Variants in UBE3C observed in about 807,000 individuals in gnomAD.
UBE3C encodes the protein ubiquitin protein ligase E3C, also known as ubiquitin-protein ligase E3C.
In UBE3C, 42 loss-of-function variants were observed where a neutral mutation model predicts 129.4. The ratio of observed to expected loss-of-function variants is 0.32; its 90% CI spans 0.25 to 0.42. UBE3C has a LOEUF of 0.42. Ranked by LOEUF, UBE3C falls within the 10% of genes least tolerant of loss-of-function variation. UBE3C has a pLI of 1.00. For missense variants in UBE3C, 1,049 were observed against 1,319.1 expected, an observed-to-expected ratio of 0.80 and a Z score of 3.17; for synonymous variants, 510 against 492.4, an observed-to-expected ratio of 1.04 and a Z score of -0.47.
At chr7:157,145,406 T>A (rs1240254978) in intron 1 of UBE3C, among the ~76,000 whole-genome samples, 1 of 151,072 alleles carries the variant, frequency 6.6e-6, no homozygotes, top group Non-Finnish European at 1.5e-5. Context: ...TAATTGCAGC[T>A]ACTCAGGAGG....
chr7:157,162,217 C>T (rs912313438), intron 1 of UBE3C, among the ~76,000 whole-genome samples: 17 of 151,834 alleles, frequency 1.1e-4, no homozygotes, highest in African/African-American at 3.1e-4. Flanking sequence ...TTTTTTGAGA[C>T]GGAGTCTTGC....
chr7:157,177,810 G>A (rs1478376766), intron 5 of UBE3C, among the ~76,000 whole-genome samples: 4 of 152,108 alleles, frequency 2.6e-5, no homozygotes, highest in East Asian at 3.9e-4. Flanking sequence ...AACCCTGCAC[G>A]TTATTCCCCT....
intron 18 of UBE3C, among the ~76,000 whole-genome samples, chr7:157,232,741 T>C (rs950561628): frequency 2.6e-5 from 4 of 152,244 alleles, no homozygotes; most frequent in African/African-American, 9.6e-5. Context: ...TTTTCAACTT[T>C]GTAATAAAAT....
chr7:157,264,871 C>G (rs1164316659), intron 22 of UBE3C, among the ~76,000 whole-genome samples: 1 of 152,134 alleles, frequency 6.6e-6, no homozygotes, highest in African/African-American at 2.4e-5. Context: ...TGCTCCTGGT[C>G]ACGTAATTTT....
intron 13 of UBE3C, among the ~76,000 whole-genome samples, chr7:157,214,396 CT>C (rs1255228646): frequency 6.6e-6 from 1 of 152,128 alleles, no homozygotes. Flanking sequence ...CAGACCTGAT[CT>C]TTCCGTTGCC....
intron 10 of UBE3C, among the ~76,000 whole-genome samples, chr7:157,191,617 A>G (rs1808970133): frequency 2.0e-5 from 3 of 152,220 alleles, no homozygotes; most frequent in African/African-American, 7.2e-5. Flanking sequence ...TTTTCTAACC[A>G]TTTCTTTGCC....
intron 18 of UBE3C, among the ~76,000 whole-genome samples, chr7:157,237,310 G>A (rs959235693): frequency 2.0e-5 from 3 of 152,102 alleles, no homozygotes; most frequent in Non-Finnish European, 2.9e-5. Context: ...GCGTGGTGGC[G>A]GGCGCCTGTA....
At chr7:157,174,222 C>T (rs1041104715) in intron 4 of UBE3C, among the ~76,000 whole-genome samples, 5 of 152,066 alleles carry the variant, frequency 3.3e-5, no homozygotes, top group African/African-American at 7.2e-5. Context: ...ATTAGCTGGG[C>T]GTGGTGGCGG....
At chr7:157,236,669 C>T (rs1035374406) in intron 18 of UBE3C, among the ~76,000 whole-genome samples, 1 of 152,072 alleles carries the variant, frequency 6.6e-6, no homozygotes, top group African/African-American at 2.4e-5. Flanking sequence ...ATTTTGGTTG[C>T]CTTAGTCCTT....
intron 19 of UBE3C, among the ~76,000 whole-genome samples, chr7:157,252,135 C>CA (rs1166651783): frequency 0.024 from 3,312 of 139,884 alleles, 101 homozygotes; most frequent in African/African-American, 0.071. Context: ...GACCTTGTCT[C>CA]AAAAAAAAAA....
rs192226927 is a variant in UBE3C at position 157,206,120 on chromosome 7, G to A, written c.1419-1278G>A. Among the ~76,000 whole-genome samples, 407 of 151,170 alleles carry A rather than the reference G, an allele frequency of 2.7e-3. 4 individuals carry two copies. Among genetic ancestry groups the A allele is most frequent in the African/African-American group, 9.6e-3 (397 of 41,470 alleles). ...TGTGATTGATTTGACTTGGTAGAGGGGACCATGGACTTTATAGAAAGAGCT... is the reference window on the plus strand; with the variant it reads ...TGTGATTGATTTGACTTGGTAGAGGAGACCATGGACTTTATAGAAAGAGCT... On this transcript the variant is annotated intron_variant, in intron 11 of 22. Coordinates refer to ENST00000348165, the MANE Select transcript of UBE3C (RefSeq NM_014671.3).
intron 18 of UBE3C, among the ~76,000 whole-genome samples, chr7:157,242,525 T>TTTG (rs199863249): frequency 1.6e-4 from 24 of 147,528 alleles, no homozygotes; most frequent in Non-Finnish European, 2.4e-4. Context: ...TTTTTTTTTT[T>TTTG]TTTTTTTTTT....
At chr7:157,239,489 C>T (rs572883948) in intron 18 of UBE3C, among the ~76,000 whole-genome samples, 14 of 152,268 alleles carry the variant, frequency 9.2e-5, no homozygotes, top group African/African-American at 3.1e-4. Context: ...GCATTTTCTG[C>T]GCTGTGGACT....
Position 157,187,038 on chromosome 7 carries a change from G to A in UBE3C, c.1331+17G>A, listed in dbSNP as rs369346435. ...CAAAGTCAGGCAAGTGTCCGTGGGC[G>A]TCTGTGCCAGGGGGTGCCAGCCAGA... On this transcript the variant is annotated intron_variant, in intron 10 of 22. Transcript: ENST00000348165. 1.1e-3 allele frequency: 1,744 copies of A among 1,578,550 alleles called. 2 individuals carry two copies. The highest frequency in any genetic ancestry group is 1.3e-3 in the Non-Finnish European group (1,481 of 1,161,902).
chr7:157,205,426 A>G (rs1809405446), intron 11 of UBE3C, among the ~76,000 whole-genome samples: 1 of 152,028 alleles, frequency 6.6e-6, no homozygotes, highest in Non-Finnish European at 1.5e-5. Context: ...GATTCTTGTC[A>G]GGGATAACAG....
At chr7:157,166,310 C>T (rs1351171901) in intron 2 of UBE3C, among the ~76,000 whole-genome samples, 1 of 152,116 alleles carries the variant, frequency 6.6e-6, no homozygotes, top group Non-Finnish European at 1.5e-5. Context: ...TAAATGAATT[C>T]TTCACTTCCA....
chr7:157,236,498 G>A (rs1258573486), intron 18 of UBE3C, among the ~76,000 whole-genome samples: 1 of 152,244 alleles, frequency 6.6e-6, no homozygotes, highest in East Asian at 1.9e-4. Context: ...AATTCAGTGT[G>A]CATTTAATGT....
intron 10 of UBE3C, among the ~76,000 whole-genome samples, chr7:157,190,766 C>T (rs911891714): frequency 7.9e-5 from 12 of 152,082 alleles, no homozygotes; most frequent in African/African-American, 2.9e-4. Context: ...GTGCAGTATC[C>T]CCTTGTTATC....
chr7:157,169,192 A>AC (rs1458609780), intron 3 of UBE3C, 70 bp downstream of exon 3: 1 of 1,204,310 alleles, frequency 8.3e-7, no homozygotes, highest in Non-Finnish European at 1.2e-6. Context: ...GTATCTTTGT[A>AC]CACCTTGTTA....
Sources: allele counts gnomAD v4.1 joint callset (sites outside exome capture counted in the v4.1 genomes callset), GRCh38; gene constraint gnomAD v4.1.1; transcripts MANE v1.5; gene names NCBI Gene and HGNC (gene_info 2026-07-23, HGNC 2026-07-21).